The following LUZP2 variants were observed in gnomAD, a reference collection of about 807,000 sequenced individuals.
LUZP2 encodes leucine zipper protein 2.
LUZP2 carries 52 observed loss-of-function variants against 51.6 expected under a neutral mutation model. That is an observed-to-expected ratio of 1.01 (90% CI 0.81 to 1.27). LUZP2 has a LOEUF of 1.27. Ranked by LOEUF, LUZP2 falls within the 50% of genes most tolerant of loss-of-function variation. The pLI, the probability that LUZP2 is intolerant of heterozygous loss-of-function variation, is 0.00. For missense variants in LUZP2, 436 were observed against 395.4 expected (o/e 1.10, Z -0.87); for synonymous variants, 154 against 137.3 (o/e 1.12, Z -0.85).
chr11:24,566,900 ATGTTATATATATATAT>A (rs1852254470), intron 1 of LUZP2, among the ~76,000 whole-genome samples: 1 of 142,270 alleles, frequency 7.0e-6, no homozygotes, highest in African/African-American at 2.6e-5. Flanking sequence ...ATATTTATAT[ATGTTATATATATATAT>A]ATGTATATAT....
chr11:25,014,632 T>C (rs1165433384), intron 9 of LUZP2, among the ~76,000 whole-genome samples: 3 of 152,196 alleles, frequency 2.0e-5, no homozygotes, highest in East Asian at 1.9e-4. Context: ...TAGAGTTCAT[T>C]GTAGATTCTG....
At chr11:25,016,110 C>G (rs543859702) in intron 9 of LUZP2, among the ~76,000 whole-genome samples, 3 of 151,528 alleles carry the variant, frequency 2.0e-5, no homozygotes, top group Admixed American at 2.0e-4. Flanking sequence ...TTAGTAGAGA[C>G]GGGGTTTCAT....
chr11:24,661,914 G>A (rs1277119844), intron 1 of LUZP2, among the ~76,000 whole-genome samples: 1 of 151,894 alleles, frequency 6.6e-6, no homozygotes, highest in African/African-American at 2.4e-5. Context: ...AAAGGAGAGG[G>A]GAGGCAGCCT....
chr11:24,615,013 G>C (rs912763882), intron 1 of LUZP2, among the ~76,000 whole-genome samples: 9 of 151,500 alleles, frequency 5.9e-5, no homozygotes, highest in South Asian at 4.2e-4. Context: ...TAAGAAAAAA[G>C]GTTGAAATTT....
At chr11:24,813,303 T>C (rs1217504337) in intron 5 of LUZP2, among the ~76,000 whole-genome samples, 2 of 152,198 alleles carry the variant, frequency 1.3e-5, no homozygotes, top group East Asian at 3.9e-4. Context: ...TAGGCTGTTG[T>C]TGCATTGCTG....
intron 10 of LUZP2, among the ~76,000 whole-genome samples, chr11:25,058,083 T>C (rs1177933739): frequency 6.6e-6 from 1 of 152,104 alleles, no homozygotes; most frequent in Non-Finnish European, 1.5e-5. Context: ...CACAGCACTG[T>C]CATTCTGGGC....
At chr11:24,696,499 A>G (rs542677181) in intron 1 of LUZP2, among the ~76,000 whole-genome samples, 15 of 152,236 alleles carry the variant, frequency 9.9e-5, no homozygotes, top group African/African-American at 3.1e-4. Context: ...CAAAAATTGT[A>G]TCTTTCATTC....
At chr11:24,796,886 A>G (rs913027186) in intron 5 of LUZP2, among the ~76,000 whole-genome samples, 1 of 152,138 alleles carries the variant, frequency 6.6e-6, no homozygotes, top group Non-Finnish European at 1.5e-5. Flanking sequence ...CTCTCTGCAT[A>G]TGCATGTTTT....
chr11:25,071,760 T>A (rs1335778936), intron 10 of LUZP2, among the ~76,000 whole-genome samples: 1 of 151,726 alleles, frequency 6.6e-6, no homozygotes, highest in Non-Finnish European at 1.5e-5. Context: ...ATGGCACATG[T>A]ATACATATGT....
At chr11:24,986,666 G>A (rs1051565285) in intron 9 of LUZP2, among the ~76,000 whole-genome samples, 1 of 151,436 alleles carries the variant, frequency 6.6e-6, no homozygotes, top group Non-Finnish European at 1.5e-5. Context: ...ATGCACAGTA[G>A]TGCTCAGAAA....
At chr11:24,633,673 A>C (rs534735476) in intron 1 of LUZP2, among the ~76,000 whole-genome samples, 16 of 151,986 alleles carry the variant, frequency 1.1e-4, no homozygotes, top group Admixed American at 2.0e-4. Flanking sequence ...TATAGAGAAA[A>C]TATACATTGT....
intron 1 of LUZP2, among the ~76,000 whole-genome samples, chr11:24,728,436 T>C (rs535316221): frequency 6.6e-6 from 1 of 152,136 alleles, no homozygotes; most frequent in East Asian, 1.9e-4. Context: ...TAGGCCAGCG[T>C]AATCTTTTGT....
At chr11:24,850,825 AG>A (rs1851370167) in intron 5 of LUZP2, among the ~76,000 whole-genome samples, 1 of 152,248 alleles carries the variant, frequency 6.6e-6, no homozygotes, top group East Asian at 1.9e-4. Context: ...CTTCTGGAAG[AG>A]GTTCTTCACA....
chr11:24,564,439 C>T (rs926386358), intron 1 of LUZP2, among the ~76,000 whole-genome samples: 5 of 152,024 alleles, frequency 3.3e-5, no homozygotes, highest in Non-Finnish European at 5.9e-5. Flanking sequence ...AACATTATTC[C>T]TCTTGAACTA....
intron 1 of LUZP2, among the ~76,000 whole-genome samples, chr11:24,586,496 A>T (rs9633852): frequency 0.05 from 7,150 of 142,854 alleles, 234 homozygotes; most frequent in East Asian, 0.15. Flanking sequence ...AGATGCATTC[A>T]GATCACCTCC....
intron 1 of LUZP2, among the ~76,000 whole-genome samples, chr11:24,622,500 C>T (rs141887731): frequency 2.6e-5 from 4 of 151,808 alleles, no homozygotes; most frequent in Admixed American, 6.7e-5. Context: ...CCTGAGACAC[C>T]GCACCAGGCC....
intron 8 of LUZP2, among the ~76,000 whole-genome samples, chr11:24,978,465 G>T (rs1855939460): frequency 6.6e-6 from 1 of 151,552 alleles, no homozygotes; most frequent in East Asian, 1.9e-4. Context: ...GAAGCAGTCT[G>T]GTCTTCTCTG....
At chr11:24,995,634 G>A (rs868734097) in intron 9 of LUZP2, among the ~76,000 whole-genome samples, 2 of 151,580 alleles carry the variant, frequency 1.3e-5, no homozygotes, top group Non-Finnish European at 2.9e-5. Context: ...GATTAAAAAT[G>A]TCACCCCATT....
At chr11:24,589,636 A>T (rs1315597091) in intron 1 of LUZP2, among the ~76,000 whole-genome samples, 1 of 152,150 alleles carries the variant, frequency 6.6e-6, no homozygotes, top group Admixed American at 6.6e-5. Context: ...TTAGGTTACA[A>T]TTTTTTTAAG....
Sources: allele counts gnomAD v4.1 joint callset (sites outside exome capture counted in the v4.1 genomes callset), GRCh38; gene constraint gnomAD v4.1.1; transcripts MANE v1.5; gene names NCBI Gene and HGNC (gene_info 2026-07-23, HGNC 2026-07-21).